Variants in MARCHF3 observed in about 807,000 individuals in gnomAD.
MARCHF3 encodes the protein membrane associated ring-CH-type finger 3, also known as E3 ubiquitin-protein ligase MARCHF3.
In MARCHF3, 13 loss-of-function variants were observed where a neutral mutation model predicts 24.2. The observed-to-expected ratio is 0.54, with a 90% confidence interval of 0.35 to 0.85. The LOEUF is 0.85. Among genes scored for constraint, MARCHF3 ranks in the 40% least tolerant of loss-of-function variants. The pLI is 0.01. For synonymous variants in MARCHF3, 144 were observed against 137.3 expected (o/e 1.05, Z -0.34); for missense variants, 276 against 325.0 (o/e 0.85, Z 1.16).
At chr5:126,893,965 T>C in intron 3 of MARCHF3, among the ~76,000 whole-genome samples, 8 of 114,668 alleles carry the variant, frequency 7.0e-5, no homozygotes, top group Admixed American at 9.4e-5. Flanking sequence ...TTTATGAATC[T>C]GGGTGCTCCT....
At chr5:126,939,807 T>C (rs914541729) in intron 1 of MARCHF3, among the ~76,000 whole-genome samples, 2 of 152,178 alleles carry the variant, frequency 1.3e-5, no homozygotes, top group Non-Finnish European at 2.9e-5. Context: ...AATCAATACA[T>C]AACCTTGTTT....
chr5:126,875,928 T>C (rs1272119002), intron 4 of MARCHF3, among the ~76,000 whole-genome samples: 1 of 152,264 alleles, frequency 6.6e-6, no homozygotes, highest in Non-Finnish European at 1.5e-5. Context: ...TTAAGTATCC[T>C]ATTTGAATTT....
intron 1 of MARCHF3, among the ~76,000 whole-genome samples, chr5:127,016,219 G>T (rs1715036659): frequency 6.6e-6 from 1 of 152,050 alleles, no homozygotes; most frequent in Admixed American, 6.6e-5. Flanking sequence ...GTGGGACTTA[G>T]AACACATTCC....
intron 1 of MARCHF3, among the ~76,000 whole-genome samples, chr5:126,948,175 T>C (rs1175832015): frequency 1.3e-5 from 2 of 152,146 alleles, no homozygotes; most frequent in East Asian, 1.9e-4. Flanking sequence ...GTATCTTCAA[T>C]GTGCCTGCCC....
chr5:126,926,765 C>T (rs1749310330), intron 1 of MARCHF3, among the ~76,000 whole-genome samples: 1 of 151,988 alleles, frequency 6.6e-6, no homozygotes, highest in Non-Finnish European at 1.5e-5. Flanking sequence ...CACTGAACCT[C>T]AGTTTCCCCC....
chr5:126,997,705 A>AT (rs1433106885), intron 1 of MARCHF3, among the ~76,000 whole-genome samples: 2 of 152,086 alleles, frequency 1.3e-5, no homozygotes, highest in Non-Finnish European at 2.9e-5. Context: ...TGCATACTTA[A>AT]TTTTTTTGAT....
At chr5:126,963,191 T>C (rs1453609176) in intron 1 of MARCHF3, among the ~76,000 whole-genome samples, 1 of 152,178 alleles carries the variant, frequency 6.6e-6, no homozygotes, top group African/African-American at 2.4e-5. Flanking sequence ...ATGAAACAAG[T>C]GAGCAAAGAA....
intron 3 of MARCHF3, among the ~76,000 whole-genome samples, chr5:126,909,570 G>T (rs1754439003): frequency 6.6e-6 from 1 of 152,242 alleles, no homozygotes; most frequent in Non-Finnish European, 1.5e-5. Context: ...TCGGGTGGGA[G>T]TGACTCGATT....
intron 1 of MARCHF3, among the ~76,000 whole-genome samples, chr5:126,967,467 C>T (rs1321631966): frequency 2.0e-5 from 3 of 152,088 alleles, no homozygotes; most frequent in East Asian, 1.9e-4. Context: ...CCGAGGCAGG[C>T]GGATCACCTG....
At chr5:126,973,879 ATTTTTTTTTTTTTTT>A (rs10585434) in intron 1 of MARCHF3, among the ~76,000 whole-genome samples, 1 of 82,974 alleles carries the variant, frequency 1.2e-5, no homozygotes, top group East Asian at 4.0e-4. Context: ...AGCAAAATCT[ATTTTTTTTTTTTTTT>A]TTTTTTTTTT....
At chr5:126,995,657 T>G (rs1330631023) in intron 1 of MARCHF3, among the ~76,000 whole-genome samples, 1 of 152,254 alleles carries the variant, frequency 6.6e-6, no homozygotes, top group Non-Finnish European at 1.5e-5. Context: ...TAACTTTCCA[T>G]TTGATGTCAT....
intron 1 of MARCHF3, among the ~76,000 whole-genome samples, chr5:126,943,064 T>C (rs1749886180): frequency 1.3e-5 from 2 of 152,106 alleles, no homozygotes. Context: ...GGCGGGTGGA[T>C]CAGTTGAGGT....
chr5:126,993,413 T>G (rs892285104), intron 1 of MARCHF3, among the ~76,000 whole-genome samples: 1 of 152,174 alleles, frequency 6.6e-6, no homozygotes, highest in Non-Finnish European at 1.5e-5. Context: ...TATATATACA[T>G]GTTGATACTA....
rs184337779 is a variant in MARCHF3, at chr5:126,949,140, T to C, written c.-56-30913A>G. On this transcript the variant is annotated intron_variant, in intron 1 of 4. Coordinates refer to ENST00000308660, the MANE Select transcript of MARCHF3 (RefSeq NM_178450.5). The stretch of plus-strand genomic sequence containing the variant: ...ACATTGTTTAGGAGGCAAACACAGT[T>C]ATAAATGCATTCAAGTCTAAATGCC... 1.4e-4 allele frequency among the ~76,000 whole-genome samples: 21 copies of C among 152,334 alleles called. No individual in the cohort carries two copies. In the East Asian group the frequency reaches 3.5e-3, roughly 25 times the overall value.
chr5:126,989,029 T>C (rs1469776095), intron 1 of MARCHF3, among the ~76,000 whole-genome samples: 2 of 152,150 alleles, frequency 1.3e-5, no homozygotes, highest in African/African-American at 4.8e-5. Flanking sequence ...AAAAAATGTC[T>C]ACAATAGGAC....
Position 126,915,148 on chromosome 5 carries a change from A to AG in MARCHF3, c.189-15dup. The AG allele has an allele frequency of 6.2e-7, 1 of 1,611,776 alleles. No homozygotes were observed. The highest frequency in any genetic ancestry group is 1.3e-5 in the African/African-American group (1 of 74,982). On this transcript the variant is annotated splice_polypyrimidine_tract_variant and intron_variant, in intron 2 of 4. Coordinates refer to ENST00000308660, the MANE Select transcript of MARCHF3 (RefSeq NM_178450.5). ...TCATTGAAGGGGCTGCAAGAGAAGG[A>AG]GGGGCACCTGCTGGTCACTGGGCTG... is the stretch of plus-strand genomic sequence containing the variant.
chr5:126,899,031 CCTT>C (rs761385308), intron 3 of MARCHF3: 2 of 985,296 alleles, frequency 2.0e-6, no homozygotes, highest in Non-Finnish European at 2.4e-6. Context: ...ACCAACATAA[CCTT>C]CTTCTCACAT....
chr5:126,979,423 C>T (rs1292934922), intron 1 of MARCHF3, among the ~76,000 whole-genome samples: 1 of 152,194 alleles, frequency 6.6e-6, no homozygotes, highest in African/African-American at 2.4e-5. Flanking sequence ...GTCTTAAATG[C>T]AGATCCATTT....
At chr5:126,989,685 C>A (rs1580711937) in intron 1 of MARCHF3, among the ~76,000 whole-genome samples, 1 of 152,172 alleles carries the variant, frequency 6.6e-6, no homozygotes, top group Non-Finnish European at 1.5e-5. Flanking sequence ...TAAATTGTAA[C>A]ACATGTAGAA....
Sources: gnomAD v4.1 joint callset for allele counts (sites outside exome capture counted in the v4.1 genomes callset) on GRCh38, gnomAD v4.1.1 for gene constraint, MANE v1.5 for transcripts, NCBI Gene and HGNC (gene_info 2026-07-23, HGNC 2026-07-21) for gene names.